Variants in CHST11 observed in about 807,000 individuals in gnomAD.
The protein encoded by CHST11 is C4S-1.
CHST11 carries 9 observed loss-of-function variants against 30.4 expected under a neutral mutation model. The observed-to-expected ratio is 0.30, with a 90% CI of 0.18 to 0.52. The LOEUF is 0.52. Ranked by LOEUF, CHST11 falls within the 20% of genes least tolerant of loss-of-function variation. The pLI is 0.97. For missense variants in CHST11, 348 were observed against 460.6 expected, an observed-to-expected ratio of 0.76 and a Z score of 2.24; for synonymous variants, 152 against 187.8, an observed-to-expected ratio of 0.81 and a Z score of 1.56.
intron 1 of CHST11, chr12:104,514,477 G>C: frequency 1.4e-6 from 1 of 726,238 alleles, no homozygotes; most frequent in Non-Finnish European, 2.5e-6. Flanking sequence ...CTGCTGCTAC[G>C]ACTCCATACC....
At chr12:104,697,297 G>C (rs930264358) in intron 2 of CHST11, among the ~76,000 whole-genome samples, 4 of 152,236 alleles carry the variant, frequency 2.6e-5, no homozygotes, top group Non-Finnish European at 5.9e-5. Context: ...GTGTGTCTGT[G>C]AGGGTGTTTC....
At chr12:104,710,991 A>G (rs561693895) in intron 2 of CHST11, among the ~76,000 whole-genome samples, 157 of 151,068 alleles carry the variant, frequency 1.0e-3, no homozygotes, top group Non-Finnish European at 1.9e-3. Flanking sequence ...TTAGTCCAGG[A>G]CCTCTTTTGG....
chr12:104,538,529 T>C (rs1315186858), intron 1 of CHST11, among the ~76,000 whole-genome samples: 1 of 152,234 alleles, frequency 6.6e-6, no homozygotes, highest in African/African-American at 2.4e-5. Flanking sequence ...CCTAAAGTTA[T>C]GGAGAATGTT....
chr12:104,539,045 C>G (rs2038263853), intron 1 of CHST11, among the ~76,000 whole-genome samples: 1 of 152,176 alleles, frequency 6.6e-6, no homozygotes. Flanking sequence ...AAGTGTTGCC[C>G]AAGGTTACAC....
At chr12:104,725,176 C>G (rs1310545415) in intron 2 of CHST11, among the ~76,000 whole-genome samples, 1 of 152,218 alleles carries the variant, frequency 6.6e-6, no homozygotes, top group East Asian at 1.9e-4. Context: ...TGGTTCCCTC[C>G]TCATGCAATG....
At chr12:104,509,966 A>C (rs541474332) in intron 1 of CHST11, among the ~76,000 whole-genome samples, 5 of 152,324 alleles carry the variant, frequency 3.3e-5, no homozygotes, top group African/African-American at 9.6e-5. Context: ...GGCTCCTTCC[A>C]TGTTGAGAAT....
rs565692646 is a variant in CHST11 at position 104,558,219 on chromosome 12, C to G, written c.119-43687C>G. 2.6e-5 allele frequency among the ~76,000 whole-genome samples: 4 copies of G among 152,200 alleles called. No homozygotes were observed. The East Asian group carries it at 5.8e-4, about 22-fold the overall frequency. ...ACGCTGTCCCTGCTGGTGGGCATGC[C>G]AGGGCCAGAGCGGGACCTGTCGAAG... is the stretch of plus-strand genomic sequence containing the variant. On this transcript the variant is annotated intron_variant, in intron 1 of 2. Coordinates refer to ENST00000303694, the MANE Select transcript of CHST11 (RefSeq NM_018413.6).
At chr12:104,723,526 G>C (rs1020044225) in intron 2 of CHST11, among the ~76,000 whole-genome samples, 2 of 152,202 alleles carry the variant, frequency 1.3e-5, no homozygotes, top group South Asian at 2.1e-4. Flanking sequence ...TTTATTGTTA[G>C]AGCGAGAATG....
intron 1 of CHST11, among the ~76,000 whole-genome samples, chr12:104,484,956 A>G (rs1295130783): frequency 6.6e-6 from 1 of 152,172 alleles, no homozygotes; most frequent in Non-Finnish European, 1.5e-5. Flanking sequence ...GGGCTTACAC[A>G]CACGGGTGCC....
intron 2 of CHST11, among the ~76,000 whole-genome samples, chr12:104,722,870 G>A (rs1458058074): frequency 5.9e-5 from 9 of 152,094 alleles, no homozygotes. Context: ...TTTCCAGAAC[G>A]CTCATAAGTG....
At chr12:104,560,517 A>G (rs2038503031) in intron 1 of CHST11, among the ~76,000 whole-genome samples, 2 of 152,134 alleles carry the variant, frequency 1.3e-5, no homozygotes, top group African/African-American at 4.8e-5. Flanking sequence ...GCATCTTGAG[A>G]TAGGGGTGGG....
intron 1 of CHST11, among the ~76,000 whole-genome samples, chr12:104,551,214 C>T (rs894045660): frequency 5.9e-5 from 9 of 152,134 alleles, no homozygotes; most frequent in African/African-American, 2.2e-4. Context: ...AGCAGACTTT[C>T]GACAGGAAAA....
At chr12:104,461,884 C>T (rs1462016964) in intron 1 of CHST11, among the ~76,000 whole-genome samples, 1 of 151,746 alleles carries the variant, frequency 6.6e-6, no homozygotes, top group African/African-American at 2.4e-5. Context: ...TAGGAGGTGG[C>T]CAGGTGCGAT....
At chr12:104,582,584 C>A (rs1409917351) in intron 1 of CHST11, among the ~76,000 whole-genome samples, 2 of 152,086 alleles carry the variant, frequency 1.3e-5, no homozygotes, top group Admixed American at 1.3e-4. Context: ...CTCTGCACGC[C>A]CTTCTCATGG....
chr12:104,466,506 A>ATTTG (rs2037461044), intron 1 of CHST11, among the ~76,000 whole-genome samples: 1 of 152,206 alleles, frequency 6.6e-6, no homozygotes, highest in African/African-American at 2.4e-5. Context: ...ACAGCCCCAA[A>ATTTG]GGCAAGAAGA....
chr12:104,651,180 C>A (rs2039486446), intron 2 of CHST11, among the ~76,000 whole-genome samples: 1 of 152,142 alleles, frequency 6.6e-6, no homozygotes, highest in African/African-American at 2.4e-5. Context: ...TCTAAATTAA[C>A]CTAAAACTTT....
intron 1 of CHST11, among the ~76,000 whole-genome samples, chr12:104,574,927 C>T (rs1592771367): frequency 2.0e-5 from 3 of 151,762 alleles, no homozygotes; most frequent in African/African-American, 7.3e-5. Context: ...CGTGGTGACT[C>T]ATGCCTGTAA....
At chr12:104,625,189 A>G (rs2039200691) in intron 2 of CHST11, among the ~76,000 whole-genome samples, 1 of 152,258 alleles carries the variant, frequency 6.6e-6, no homozygotes, top group South Asian at 2.1e-4. Flanking sequence ...CTGTTTCCTG[A>G]GATGCCAAAC....
chr12:104,507,196 A>G (rs2037916171), intron 1 of CHST11, among the ~76,000 whole-genome samples: 1 of 152,178 alleles, frequency 6.6e-6, no homozygotes, highest in South Asian at 2.1e-4. Context: ...GGGGAGGGCA[A>G]GGATGTGAAG....
Sources: allele counts gnomAD v4.1 joint callset (sites outside exome capture counted in the v4.1 genomes callset), GRCh38; gene constraint gnomAD v4.1.1; transcripts MANE v1.5; gene names NCBI Gene and HGNC (gene_info 2026-07-23, HGNC 2026-07-21).